The following MICAL3 variants were observed in gnomAD, a reference collection of about 807,000 sequenced individuals.
MICAL3 encodes microtubule associated monooxygenase, calponin and LIM domain containing 3.
MICAL3 carries 62 observed loss-of-function variants against 207.4 expected under a neutral mutation model. The observed-to-expected ratio is 0.30, with a 90% CI of 0.24 to 0.37. MICAL3 has a LOEUF of 0.37. Among genes scored for constraint, MICAL3 ranks in the 10% least tolerant of loss-of-function variants. MICAL3 has a pLI of 1.00. For missense variants in MICAL3, 2,368 were observed against 2,635.6 expected, an observed-to-expected ratio of 0.90 and a Z score of 2.22; for synonymous variants, 1,077 against 1,069.3, an observed-to-expected ratio of 1.01 and a Z score of -0.14.
intron 17 of MICAL3, among the ~76,000 whole-genome samples, chr22:17,870,222 T>A (rs1041485340): frequency 5.9e-5 from 9 of 152,014 alleles, no homozygotes; most frequent in Non-Finnish European, 1.2e-4. Context: ...TGCCACCCGA[T>A]CTCCCACCAG....
rs1257113105 is a variant in MICAL3 at position 17,796,111 on chromosome 22, G to A, written c.5651-4810C>T. Among the ~76,000 whole-genome samples the A allele has an allele frequency of 6.6e-6, 1 of 152,142 alleles. No homozygotes were observed. Among genetic ancestry groups the A allele is most frequent in the Non-Finnish European group, 1.5e-5 (1 of 67,990 alleles). On this transcript the variant is annotated intron_variant, in intron 29 of 31. Transcript: ENST00000441493. The surrounding 1 kb of genome is among the most constrained non-coding windows in gnomAD (Gnocchi z 4.4). ...CTCAAAGCACTCCTGCGTGCCCTGG[G>A]CGCTGGCCACCCCTCCTGAGCTCCC...
intron 20 of MICAL3, among the ~76,000 whole-genome samples, chr22:17,837,830 A>T (rs1271408375): frequency 6.6e-6 from 1 of 152,218 alleles, no homozygotes; most frequent in Non-Finnish European, 1.5e-5. Flanking sequence ...TAGATACTCC[A>T]GGGTGCGCCT....
intron 20 of MICAL3, among the ~76,000 whole-genome samples, chr22:17,839,403 C>T (rs369960473): frequency 4.7e-5 from 7 of 149,528 alleles, no homozygotes; most frequent in African/African-American, 1.7e-4. Context: ...ATTACAGGTG[C>T]GTGCCACCAC....
intron 20 of MICAL3, among the ~76,000 whole-genome samples, chr22:17,839,258 A>ATTTTTTTT (rs58568915): frequency 0.024 from 2,665 of 110,166 alleles, 245 homozygotes; most frequent in African/African-American, 0.068. Flanking sequence ...CGGGCTCTTC[A>ATTTTTTTT]TTTTTTTTTT....
intron 22 of MICAL3, among the ~76,000 whole-genome samples, chr22:17,827,007 G>A (rs561891903): frequency 6.6e-6 from 1 of 152,242 alleles, no homozygotes; most frequent in African/African-American, 2.4e-5. Context: ...GTGACTCCGA[G>A]GGTGGGTATT....
intron 19 of MICAL3, among the ~76,000 whole-genome samples, chr22:17,844,007 C>T (rs1205356578): frequency 5.3e-5 from 8 of 152,176 alleles, no homozygotes; most frequent in Non-Finnish European, 2.9e-5. Flanking sequence ...CCACAGCACC[C>T]GGCTAGTTTT....
intron 1 of MICAL3, among the ~76,000 whole-genome samples, chr22:17,991,397 T>G (rs1192031275): frequency 2.0e-5 from 3 of 152,214 alleles, no homozygotes. Context: ...GTTGCAAAAT[T>G]CTTTTACTGT....
chr22:17,938,761 G>A (rs901453817), intron 1 of MICAL3, among the ~76,000 whole-genome samples: 4 of 152,146 alleles, frequency 2.6e-5, no homozygotes, highest in African/African-American at 4.8e-5. Context: ...CAGTGCTCCT[G>A]GCTCAAGCTG....
At position 17,938,593 on chromosome 22, in the gene MICAL3, C is replaced by T. The variant is rs80098351; in HGVS notation, c.-74-31707G>A. Among the ~76,000 whole-genome samples, 1,518 of 152,278 alleles carry T rather than the reference C, an allele frequency of 1.0e-2. 21 individuals carry two copies. Among genetic ancestry groups the T allele is most frequent in the African/African-American group, 0.032 (1,324 of 41,562 alleles). On this transcript the variant is annotated intron_variant, in intron 1 of 31. Coordinates refer to ENST00000441493, the MANE Select transcript of MICAL3 (RefSeq NM_015241.3). ...CACTGTGCTGCACTTTGATACCAAG[C>T]ACAATTCTGGACAACAGATTTGGGT...
At chr22:17,943,264 G>C (rs959096720) in intron 1 of MICAL3, among the ~76,000 whole-genome samples, 1 of 152,212 alleles carries the variant, frequency 6.6e-6, no homozygotes, top group Non-Finnish European at 1.5e-5. Context: ...CAGGGTTCAA[G>C]CAATTCTCCT....
intron 26 of MICAL3, 60 bp from the exon 27 acceptor site, chr22:17,816,844 G>C (rs536326954): frequency 8.1e-7 from 1 of 1,235,786 alleles, no homozygotes; most frequent in African/African-American, 1.5e-5. Flanking sequence ...GCCCTCTCCT[G>C]CTCCTATGCT....
intron 1 of MICAL3, among the ~76,000 whole-genome samples, chr22:17,965,558 T>C (rs1403567290): frequency 2.0e-5 from 3 of 152,222 alleles, no homozygotes; most frequent in African/African-American, 7.2e-5. Context: ...ACTACTGATA[T>C]ACTGATTGTC....
At chr22:17,911,615 T>G (rs1932148740) in intron 1 of MICAL3, among the ~76,000 whole-genome samples, 1 of 152,146 alleles carries the variant, frequency 6.6e-6, no homozygotes, top group Non-Finnish European at 1.5e-5. Context: ...GGAAGATCAC[T>G]TGAGCCCAGG....
At chr22:17,910,889 C>T (rs1932097708) in intron 1 of MICAL3, among the ~76,000 whole-genome samples, 1 of 152,214 alleles carries the variant, frequency 6.6e-6, no homozygotes, top group Admixed American at 6.5e-5. Context: ...CCTGCACCAC[C>T]CTGTGTACAG....
In MICAL3 at chr22:17,896,707, C is replaced by A; in HGVS notation, c.1206+17G>T. ...TTCCTGCCCCTACCACAGAGTGCTG[C>A]CATGCTTAGCACTCACCTCTAGGAG... On this transcript the variant is annotated intron_variant, in intron 8 of 31. Transcript: ENST00000441493. 1.2e-6 allele frequency: 2 copies of A among 1,610,582 alleles called. No homozygotes were observed. The highest frequency in any genetic ancestry group is 8.5e-7 in the Non-Finnish European group (1 of 1,177,938).
chr22:17,961,727 C>A (rs1328661581), intron 1 of MICAL3, among the ~76,000 whole-genome samples: 2 of 152,166 alleles, frequency 1.3e-5, no homozygotes, highest in African/African-American at 4.8e-5. Flanking sequence ...AAGGCCTGCA[C>A]CCCTAACCGA....
chr22:17,911,765 G>A (rs8137643), intron 1 of MICAL3, among the ~76,000 whole-genome samples: 27,531 of 149,486 alleles, frequency 0.18, 3,183 homozygotes, highest in African/African-American at 0.35. Flanking sequence ...CCAGGAGGTC[G>A]AAGCTGCAGT....
intron 1 of MICAL3, among the ~76,000 whole-genome samples, chr22:17,932,586 C>A (rs991160120): frequency 1.3e-5 from 2 of 152,102 alleles, no homozygotes; most frequent in African/African-American, 4.8e-5. Context: ...GCAAAATAAC[C>A]AGCGAACATC....
chr22:17,925,743 G>A (rs944312103), intron 1 of MICAL3, among the ~76,000 whole-genome samples: 19 of 151,962 alleles, frequency 1.3e-4, no homozygotes, highest in Middle Eastern at 3.2e-3. Context: ...ATGTTTTCCC[G>A]GCACCCCTCC....
Sources: gnomAD v4.1 joint callset for allele counts (sites outside exome capture counted in the v4.1 genomes callset) on GRCh38, gnomAD v4.1.1 for gene constraint, Gnocchi (gnomAD v3.1) non-coding constraint, MANE v1.5 for transcripts, NCBI Gene and HGNC (gene_info 2026-07-23, HGNC 2026-07-21) for gene names.